STK24: variants seen among roughly 807,000 people sequenced by gnomAD.
STK24 encodes the protein serine/threonine-protein kinase 24.
Under a neutral mutation model 55.6 loss-of-function variants are expected in STK24, and 21 were observed. The observed-to-expected ratio is 0.38, with a 90% CI of 0.27 to 0.54. The LOEUF (loss-of-function observed/expected upper bound fraction) is 0.54. STK24 is among the 20% of genes least tolerant of loss of function. STK24 has a pLI of 0.79. For synonymous variants in STK24, 200 were observed against 215.2 expected (o/e 0.93, Z 0.62); for missense variants, 383 against 538.4 (o/e 0.71, Z 2.86).
rs559320567 is a variant in STK24, at chr13:98,566,386, G to A, written c.42+10359C>T. On this transcript the variant is annotated intron_variant, in intron 1 of 10. Coordinates refer to ENST00000539966, the MANE Select transcript of STK24 (RefSeq NM_001032296.4). ...GGATGTGGTGCAGGGAATCTGACACGCCAGGGAGCAGGCAGTCGGGAGGAA... is the reference window on the plus strand; with the variant it reads ...GGATGTGGTGCAGGGAATCTGACACACCAGGGAGCAGGCAGTCGGGAGGAA... 3.0e-4 allele frequency among the ~76,000 whole-genome samples: 46 copies of A among 152,330 alleles called. 1 individual carries two copies. The highest frequency in any genetic ancestry group is 5.9e-4 in the Non-Finnish European group (40 of 68,030).
intron 1 of STK24, among the ~76,000 whole-genome samples, chr13:98,545,507 G>A (rs1428002834): frequency 1.3e-5 from 2 of 152,056 alleles, no homozygotes; most frequent in Admixed American, 1.3e-4. Flanking sequence ...GGTGGCGGGC[G>A]CCTGTAGTTC....
chr13:98,482,473 G>A (rs958494545), intron 2 of STK24, 152 bp from the exon 3 acceptor site: 7 of 541,760 alleles, frequency 1.3e-5, no homozygotes, highest in African/African-American at 1.2e-4. Flanking sequence ...TGAGAGCTGT[G>A]CAGGGACCTC....
intron 1 of STK24, among the ~76,000 whole-genome samples, chr13:98,533,394 A>G (rs778538008): frequency 2.0e-5 from 3 of 151,714 alleles, no homozygotes; most frequent in Non-Finnish European, 4.4e-5. Flanking sequence ...TAAATCTCCT[A>G]AAGATTAAGG....
At chr13:98,545,526 C>T (rs984382811) in intron 1 of STK24, among the ~76,000 whole-genome samples, 3 of 150,888 alleles carry the variant, frequency 2.0e-5, no homozygotes, top group East Asian at 1.9e-4. Context: ...TCCAGCTACT[C>T]GGGAGGCTGA....
At chr13:98,570,903 T>G (rs1452394968) in intron 1 of STK24, among the ~76,000 whole-genome samples, 1 of 152,198 alleles carries the variant, frequency 6.6e-6, no homozygotes, top group Non-Finnish European at 1.5e-5. Context: ...TTCTACGCGA[T>G]GAGACATGGA....
At chr13:98,523,515 C>T (rs534468308) in intron 1 of STK24, among the ~76,000 whole-genome samples, 1 of 152,286 alleles carries the variant, frequency 6.6e-6, no homozygotes, top group Admixed American at 6.5e-5. Context: ...TGAACATAAT[C>T]TAAGCAAGGC....
intron 1 of STK24, among the ~76,000 whole-genome samples, chr13:98,572,935 A>G (rs1594680381): frequency 1.3e-5 from 2 of 152,338 alleles, no homozygotes; most frequent in Middle Eastern, 3.4e-3. Flanking sequence ...TTTTTTAAAT[A>G]TACCACAACA....
At chr13:98,546,926 T>TG (rs1897043887) in intron 1 of STK24, among the ~76,000 whole-genome samples, 2 of 151,972 alleles carry the variant, frequency 1.3e-5, no homozygotes, top group East Asian at 1.9e-4. Flanking sequence ...TTTGTTTGTT[T>TG]TTGAGATGGA....
chr13:98,570,863 GCTACAAACTA>G (rs550777342), intron 1 of STK24, among the ~76,000 whole-genome samples: 56 of 152,290 alleles, frequency 3.7e-4, no homozygotes, highest in South Asian at 1.2e-3. Context: ...GGAAATGACT[GCTACAAACTA>G]CTCCGACGAC....
At chr13:98,467,052 C>T (rs573828989) in intron 5 of STK24, among the ~76,000 whole-genome samples, 2 of 152,242 alleles carry the variant, frequency 1.3e-5, no homozygotes, top group African/African-American at 4.8e-5. Flanking sequence ...ACCTCTGAGC[C>T]CTGTTTCTCT....
chr13:98,477,471 G>C (rs1284240061), intron 3 of STK24, among the ~76,000 whole-genome samples: 1 of 151,994 alleles, frequency 6.6e-6, no homozygotes, highest in Non-Finnish European at 1.5e-5. Flanking sequence ...TCGGGAGTTC[G>C]AGACCAGCCT....
chr13:98,470,545 A>C (rs2139276763), intron 5 of STK24, among the ~76,000 whole-genome samples: 1 of 152,364 alleles, frequency 6.6e-6, no homozygotes, highest in East Asian at 1.9e-4. Flanking sequence ...TTAGACATTA[A>C]GACACTGCTC....
At chr13:98,489,683 C>T (rs1894945693) in intron 2 of STK24, among the ~76,000 whole-genome samples, 1 of 152,146 alleles carries the variant, frequency 6.6e-6, no homozygotes, top group African/African-American at 2.4e-5. Context: ...AGGGCTGTGA[C>T]CTGCCAGCCT....
rs569442947 is a variant in STK24, at chr13:98,552,631, G to A, written c.42+24114C>T. Among the ~76,000 whole-genome samples the A allele has an allele frequency of 2.0e-5, 3 of 152,234 alleles. No homozygotes were observed. In the South Asian group the frequency reaches 6.2e-4, roughly 32 times the overall value. The stretch of plus-strand genomic sequence containing the variant: ...CCCATTAGAATCTGACCTTGTGGAG[G>A]TCCAGGGTGGCTACCGAGGGCGCCT... On this transcript the variant is annotated intron_variant, in intron 1 of 10. Coordinates refer to ENST00000539966, the MANE Select transcript of STK24 (RefSeq NM_001032296.4).
intron 2 of STK24, among the ~76,000 whole-genome samples, chr13:98,490,492 C>A (rs1320827812): frequency 6.6e-6 from 1 of 152,156 alleles, no homozygotes; most frequent in Non-Finnish European, 1.5e-5. Context: ...CATGTACTAC[C>A]CTAGTTCCAA....
chr13:98,574,005 A>AT (rs1322819805), intron 1 of STK24, among the ~76,000 whole-genome samples: 6 of 146,948 alleles, frequency 4.1e-5, no homozygotes, highest in Non-Finnish European at 7.5e-5. Context: ...ACTCTGCTTT[A>AT]TTTTTTTATT....
chr13:98,529,045 C>A (rs2139399204), intron 1 of STK24, among the ~76,000 whole-genome samples: 1 of 152,270 alleles, frequency 6.6e-6, no homozygotes, highest in African/African-American at 2.4e-5. Context: ...CAGCCAGTCA[C>A]CACCGATTTG....
intron 1 of STK24, among the ~76,000 whole-genome samples, chr13:98,563,816 C>T (rs1437931083): frequency 1.3e-5 from 2 of 151,100 alleles, no homozygotes; most frequent in Admixed American, 1.3e-4. Flanking sequence ...GCTGAGATCG[C>T]GCCACTGCAC....
chr13:98,548,200 G>A (rs1015175546), intron 1 of STK24, among the ~76,000 whole-genome samples: 3 of 152,138 alleles, frequency 2.0e-5, no homozygotes, highest in Admixed American at 6.5e-5. Context: ...AGTTCCTGGG[G>A]CTAAAAATAA....
Sources: gnomAD v4.1 joint callset for allele counts (sites outside exome capture counted in the v4.1 genomes callset) on GRCh38, gnomAD v4.1.1 for gene constraint, MANE v1.5 for transcripts, NCBI Gene and HGNC (gene_info 2026-07-23, HGNC 2026-07-21) for gene names.